The following ABR variants were observed in gnomAD, a reference collection of about 807,000 sequenced individuals.
ABR encodes ABR activator of RhoGEF and GTPase.
A neutral mutation model predicts 107.2 loss-of-function variants in ABR; 35 were observed. The ratio of observed to expected loss-of-function variants is 0.33; its 90% confidence interval spans 0.25 to 0.43. The LOEUF is 0.43. ABR is among the 20% of genes least tolerant of loss of function. The pLI, the probability that ABR is intolerant of heterozygous loss-of-function variation, is 1.00. For missense variants in ABR, 815 were observed against 1,115.2 expected, an observed-to-expected ratio of 0.73 and a Z score of 3.83; for synonymous variants, 498 against 462.0, an observed-to-expected ratio of 1.08 and a Z score of -1.00.
intron 16 of ABR, among the ~76,000 whole-genome samples, chr17:1,038,721 G>A (rs1002565139): frequency 6.6e-6 from 1 of 152,354 alleles, no homozygotes; most frequent in South Asian, 2.1e-4. Flanking sequence ...GTGGCCGCAG[G>A]CTTGAGGGAG....
chr17:1,118,016 T>C (rs74734079), intron 2 of ABR, among the ~76,000 whole-genome samples: 424 of 38,532 alleles, frequency 0.011, no homozygotes, highest in African/African-American at 0.055. Context: ...GAGCCTGAGT[T>C]CTCCCCAGCG....
At chr17:1,024,048 A>AAAAAC (rs1567596985) in intron 16 of ABR, among the ~76,000 whole-genome samples, 1 of 148,496 alleles carries the variant, frequency 6.7e-6, no homozygotes, top group African/African-American at 2.5e-5. Flanking sequence ...AAAAAAAAAA[A>AAAAAC]AGCAGCATCA....
intron 1 of ABR, among the ~76,000 whole-genome samples, chr17:1,207,118 T>C (rs1224858020): frequency 6.6e-6 from 1 of 151,404 alleles, no homozygotes; most frequent in African/African-American, 2.4e-5. Flanking sequence ...GCATTGTGGT[T>C]CGTGCCTATA....
In ABR at chr17:1,077,973, T is replaced by C. The variant is rs12601241; in HGVS notation, c.700+1357A>G. On this transcript the variant is annotated intron_variant, in intron 6 of 22. Coordinates refer to ENST00000302538, the MANE Select transcript of ABR (RefSeq NM_021962.5). ...ACGGGCTTCTGGACACCTCCCTACC[T>C]GGGCCGGCTTCATCCTCCTACGACC... Among the ~76,000 whole-genome samples, 845 of 152,292 alleles carry C rather than the reference T, an allele frequency of 5.5e-3. 10 individuals carry two copies. Among genetic ancestry groups the C allele is most frequent in the East Asian group, 0.054 (277 of 5,162 alleles).
intron 16 of ABR, among the ~76,000 whole-genome samples, chr17:1,039,298 T>A (rs1360211418): frequency 6.6e-6 from 1 of 152,112 alleles, no homozygotes; most frequent in Non-Finnish European, 1.5e-5. Context: ...CACACCTCCA[T>A]CTGCTTCCTG....
intron 16 of ABR, among the ~76,000 whole-genome samples, chr17:1,023,102 C>T (rs1325517595): frequency 6.7e-6 from 1 of 150,322 alleles, no homozygotes. Context: ...AGAGCCTCTG[C>T]CGGCCCCACG....
At chr17:1,035,867 G>T (rs552245271) in intron 16 of ABR, among the ~76,000 whole-genome samples, 1 of 151,108 alleles carries the variant, frequency 6.6e-6, no homozygotes, top group East Asian at 2.0e-4. Flanking sequence ...TAGGGAGGGG[G>T]TCATGCCACC....
intron 2 of ABR, chr17:1,108,843 C>G: frequency 2.1e-6 from 3 of 1,413,968 alleles, no homozygotes; most frequent in East Asian, 5.9e-5. Flanking sequence ...CCCGGCCGCG[C>G]GCTCTGCGCC....
At chr17:1,183,858 T>TA (rs2042211331), upstream of ABR, among the ~76,000 whole-genome samples, 1 of 151,888 alleles carries the variant, frequency 6.6e-6, no homozygotes, top group African/African-American at 2.4e-5. Context: ...AAACCAAAAA[T>TA]AGACTGTGAT....
In ABR at chr17:1,137,055, T is replaced by C. The variant is rs552292243; in HGVS notation, c.62-11688A>G. Among the ~76,000 whole-genome samples the C allele has an allele frequency of 1.7e-3, 265 of 151,846 alleles. 1 individual carries two copies. Among genetic ancestry groups the C allele is most frequent in the African/African-American group, 6.2e-3 (255 of 41,378 alleles). ...TCTCTCTTCCTTCTCTCTCTCCCTC[T>C]TTCTTTCTTTTCTAGACAGTCTCTA... On this transcript the variant is annotated intron_variant, in intron 1 of 22. Coordinates refer to ENST00000302538, the MANE Select transcript of ABR (RefSeq NM_021962.5).
At chr17:1,100,823 C>A in intron 2 of ABR, 88 bp from the exon 3 acceptor site, 1 of 1,268,112 alleles carries the variant, frequency 7.9e-7, no homozygotes, top group Non-Finnish European at 1.1e-6. Flanking sequence ...CCTTCCCCCC[C>A]GACCTTTATT....
chr17:1,200,742 T>C lies in ABR; in HGVS notation c.838+28051A>G, dbSNP rs2150716839. On this transcript the variant is annotated intron_variant, in intron 1 of 22. Coordinates refer to the ABR transcript ENST00000574139. The surrounding 1 kb of genome is among the most constrained non-coding windows in gnomAD (Gnocchi z 4.1). ...GCACGTCATCCCGGTTTGTTCATGG[T>C]GCAAGATGTCTCCGGTTACTTCGGG... is the stretch of plus-strand genomic sequence containing the variant. 6.6e-6 allele frequency among the ~76,000 whole-genome samples: 1 copy of C among 152,330 alleles called. No individual in the cohort carries two copies. Among genetic ancestry groups the C allele is most frequent in the Middle Eastern group, 3.4e-3 (1 of 294 alleles).
At chr17:1,132,614 T>G in intron 1 of ABR, among the ~76,000 whole-genome samples, 1 of 151,992 alleles carries the variant, frequency 6.6e-6, no homozygotes, top group Non-Finnish European at 1.5e-5. Flanking sequence ...CCTGACCTTG[T>G]GATCCACCCA....
At chr17:1,013,641 G>A (rs991913240) in intron 16 of ABR, among the ~76,000 whole-genome samples, 84 of 152,220 alleles carry the variant, frequency 5.5e-4, no homozygotes, top group Non-Finnish European at 8.8e-5. Flanking sequence ...TCAGGAGCCC[G>A]CGCACAGGAG....
At chr17:1,022,120 A>AAAAAAAAAAAAAAGAAAC (rs56033950) in intron 16 of ABR, among the ~76,000 whole-genome samples, 1 of 118,388 alleles carries the variant, frequency 8.4e-6, no homozygotes, top group Non-Finnish European at 1.6e-5. Flanking sequence ...AAAAAAAAAA[A>AAAAAAAAAAAAAAGAAAC]AAAAACAGAA....
chr17:1,045,261 G>A lies in ABR; in HGVS notation c.1791+4789C>T, dbSNP rs146494546. Among the ~76,000 whole-genome samples the A allele has an allele frequency of 4.0e-3, 616 of 152,324 alleles. 3 individuals carry two copies. Among genetic ancestry groups the A allele is most frequent in the Non-Finnish European group, 7.2e-3 (489 of 68,038 alleles). On this transcript the variant is annotated intron_variant, in intron 16 of 22. Transcript: ENST00000302538. ...ATCGCTCTCGTTCCACCTCCTCCTTGAAGCCTCCCTAATTCCAGCCCATGG... is the reference window on the plus strand; with the variant it reads ...ATCGCTCTCGTTCCACCTCCTCCTTAAAGCCTCCCTAATTCCAGCCCATGG...
rs3744754 is a variant in ABR, at chr17:1,004,903, G to A, written c.*1177C>T. ...GTGGCAGTGCTTGGCTGTGGAGTGTGTGTAAAATCTAAGGCAAGAGTACCA... is the reference window on the plus strand; with the variant it reads ...GTGGCAGTGCTTGGCTGTGGAGTGTATGTAAAATCTAAGGCAAGAGTACCA... On this transcript the variant is annotated 3_prime_UTR_variant, in exon 23 of 23. Transcript: ENST00000302538. The A allele has an allele frequency of 5.9e-3, 2,366 of 397,648 alleles. 31 individuals carry two copies. Among genetic ancestry groups the A allele is most frequent in the South Asian group, 0.032 (227 of 7,098 alleles). The allele number at this position is 397,648 out of a possible 1,614,324, so 24.6% of individuals were successfully genotyped here.
intron 1 of ABR, among the ~76,000 whole-genome samples, chr17:1,218,085 A>G (rs1281249931): frequency 6.6e-6 from 1 of 152,254 alleles, no homozygotes; most frequent in Admixed American, 6.5e-5. Context: ...TACCTCGGAC[A>G]GCATGCTCTT....
chr17:1,183,103 C>T (rs1219120527), upstream of ABR, among the ~76,000 whole-genome samples: 2 of 152,200 alleles, frequency 1.3e-5, no homozygotes, highest in East Asian at 3.9e-4. Context: ...CCCTGAAGTG[C>T]TCTAACCCCA....
Sources: allele counts gnomAD v4.1 joint callset (sites outside exome capture counted in the v4.1 genomes callset), GRCh38; gene constraint gnomAD v4.1.1; non-coding constraint Gnocchi (gnomAD v3.1); transcripts MANE v1.5; gene names NCBI Gene and HGNC (gene_info 2026-07-23, HGNC 2026-07-21).